HECW2: variants seen among roughly 807,000 people sequenced by gnomAD.
HECW2 encodes the protein HECT, C2 and WW domain containing E3 ubiquitin protein ligase 2, also known as E3 ubiquitin-protein ligase HECW2.
A neutral mutation model predicts 175.2 loss-of-function variants in HECW2; 61 were observed. That is an observed-to-expected ratio of 0.35 (90% CI 0.28 to 0.43). The LOEUF is 0.43. HECW2 is among the 20% of genes least tolerant of loss of function. The probability of loss-of-function intolerance (pLI) is 1.00; values close to 1 mark genes in which losing one functional copy is unlikely to be tolerated. For missense variants in HECW2, 1,524 were observed against 2,000.5 expected (o/e 0.76, Z 4.54); for synonymous variants, 671 against 731.0 (o/e 0.92, Z 1.32).
chr2:196,267,487 G>A (rs1195628372), intron 17 of HECW2, among the ~76,000 whole-genome samples: 1 of 151,798 alleles, frequency 6.6e-6, no homozygotes, highest in Non-Finnish European at 1.5e-5. Context: ...ACTGACGTTT[G>A]GAAGCTGATT....
chr2:196,422,686 G>T (rs1695438738), intron 2 of HECW2, among the ~76,000 whole-genome samples: 1 of 152,010 alleles, frequency 6.6e-6, no homozygotes, highest in Non-Finnish European at 1.5e-5. Flanking sequence ...AAAGAATTTA[G>T]AGTTAAGTTG....
intron 1 of HECW2, among the ~76,000 whole-genome samples, chr2:196,479,924 C>A (rs1686785746): frequency 6.6e-6 from 1 of 152,156 alleles, no homozygotes; most frequent in African/African-American, 2.4e-5. Context: ...TCTATTTATG[C>A]ATTATTCATG....
chr2:196,281,265 A>G (rs1328913321), intron 14 of HECW2, among the ~76,000 whole-genome samples: 1 of 152,156 alleles, frequency 6.6e-6, no homozygotes, highest in Non-Finnish European at 1.5e-5. Context: ...GTGCTCAGAT[A>G]AAAACAAATT....
At chr2:196,579,364 A>G (rs1381909060) in intron 1 of HECW2, among the ~76,000 whole-genome samples, 1 of 152,150 alleles carries the variant, frequency 6.6e-6, no homozygotes, top group Non-Finnish European at 1.5e-5. Context: ...GACAAGTAGA[A>G]GACATGTAGA....
At chr2:196,551,164 A>T (rs1466613390) in intron 1 of HECW2, among the ~76,000 whole-genome samples, 1 of 152,210 alleles carries the variant, frequency 6.6e-6, no homozygotes, top group East Asian at 1.9e-4. Context: ...CCAGATAAAT[A>T]GCTCCATAGG....
chr2:196,443,904 G>C (rs1377524657), intron 1 of HECW2, among the ~76,000 whole-genome samples: 1 of 152,104 alleles, frequency 6.6e-6, no homozygotes, highest in Non-Finnish European at 1.5e-5. Flanking sequence ...GCATGGTGGC[G>C]TGCGCCTATA....
At chr2:196,351,608 A>C (rs1052421805) in intron 2 of HECW2, among the ~76,000 whole-genome samples, 2 of 152,344 alleles carry the variant, frequency 1.3e-5, no homozygotes, top group Admixed American at 6.5e-5. Context: ...TGTGCCAGAG[A>C]GCAGAAAAAT....
intron 2 of HECW2, among the ~76,000 whole-genome samples, chr2:196,367,555 C>T (rs975712141): frequency 4.6e-5 from 7 of 152,138 alleles, no homozygotes; most frequent in African/African-American, 1.7e-4. Context: ...TGTTGTCACC[C>T]TGTTGTGCTA....
chr2:196,283,261 C>CCA (rs1690256756), intron 14 of HECW2, among the ~76,000 whole-genome samples: 1 of 45,282 alleles, frequency 2.2e-5, no homozygotes, highest in Non-Finnish European at 3.8e-5. Context: ...GACTCCATCT[C>CCA]AAAAAAAAAA....
chr2:196,426,186 T>A (rs371494544), intron 2 of HECW2, among the ~76,000 whole-genome samples: 9 of 152,198 alleles, frequency 5.9e-5, no homozygotes, highest in East Asian at 1.9e-4. Flanking sequence ...GCACACTTAA[T>A]ATTTAGATTA....
chr2:196,475,641 T>C (rs764807150), intron 1 of HECW2, among the ~76,000 whole-genome samples: 3 of 152,206 alleles, frequency 2.0e-5, no homozygotes, highest in African/African-American at 7.2e-5. Context: ...GGCCTACATC[T>C]TCCCAGCTTT....
chr2:196,566,540 T>C (rs1037520394), intron 1 of HECW2, among the ~76,000 whole-genome samples: 7 of 151,072 alleles, frequency 4.6e-5, no homozygotes, highest in Non-Finnish European at 8.9e-5. Flanking sequence ...TTTTCTTTTT[T>C]TTTTTTTTGA....
intron 5 of HECW2, 104 bp downstream of exon 5, chr2:196,329,471 C>T (rs1375244583): frequency 1.2e-6 from 1 of 843,814 alleles, no homozygotes; most frequent in Non-Finnish European, 2.0e-6. Flanking sequence ...AACTAGTTCA[C>T]ATATCATCAT....
intron 14 of HECW2, among the ~76,000 whole-genome samples, chr2:196,283,859 T>A (rs1690282930): frequency 6.6e-6 from 1 of 152,182 alleles, no homozygotes; most frequent in South Asian, 2.1e-4. Flanking sequence ...TAATGATATA[T>A]CTATCATTCA....
At chr2:196,510,984 G>C (rs1357742547) in intron 1 of HECW2, among the ~76,000 whole-genome samples, 1 of 151,342 alleles carries the variant, frequency 6.6e-6, no homozygotes, top group African/African-American at 2.4e-5. Flanking sequence ...TGTTTGTTTT[G>C]AGACAGGGTC....
intron 1 of HECW2, among the ~76,000 whole-genome samples, chr2:196,496,854 A>G (rs1289247731): frequency 6.6e-6 from 1 of 152,206 alleles, no homozygotes; most frequent in Non-Finnish European, 1.5e-5. Flanking sequence ...TCTATTCTAT[A>G]TCATGGCAGT....
At chr2:196,203,100 C>G (rs1334529135) in intron 28 of HECW2, among the ~76,000 whole-genome samples, 1 of 152,062 alleles carries the variant, frequency 6.6e-6, no homozygotes. Context: ...GATTTTGGAG[C>G]ATTTTAGATT....
chr2:196,496,679 A>C (rs1687404886), intron 1 of HECW2, among the ~76,000 whole-genome samples: 1 of 152,214 alleles, frequency 6.6e-6, no homozygotes. Context: ...ATGTTGCTTT[A>C]TAATTAGTCT....
rs1686647836 is a variant in HECW2 at position 196,195,219 on chromosome 2, C to T, written c.*6058G>A. ...TCCAAGGTAATTCCTGAACATCATC[C>T]ATTCTTTTTTATGAAGGTGATAGTA... On this transcript the variant is annotated 3_prime_UTR_variant, in exon 29 of 29. Transcript: ENST00000644978. The T allele has an allele frequency of 6.6e-6, 1 of 152,118 alleles. No individual in the cohort carries two copies. Among genetic ancestry groups the T allele is most frequent in the Non-Finnish European group, 1.5e-5 (1 of 68,012 alleles). 9.4% of individuals were successfully genotyped at this position (152,118 alleles called of 1,614,324 possible).
Sources: gnomAD v4.1 joint callset for allele counts (sites outside exome capture counted in the v4.1 genomes callset) on GRCh38, gnomAD v4.1.1 for gene constraint, MANE v1.5 for transcripts, NCBI Gene and HGNC (gene_info 2026-07-23, HGNC 2026-07-21) for gene names.